MYO3B: variants seen among roughly 807,000 people sequenced by gnomAD.
The protein encoded by MYO3B is myosin IIIB.
In MYO3B, 156 loss-of-function variants were observed where a neutral mutation model predicts 174.6. The ratio of observed to expected loss-of-function variants is 0.89; its 90% CI spans 0.78 to 1.02. MYO3B has a LOEUF of 1.02. Ranked by LOEUF, MYO3B falls within the 50% of genes least tolerant of loss-of-function variation. MYO3B has a pLI of 0.00. For missense variants in MYO3B, 1,632 were observed against 1,639.4 expected, an observed-to-expected ratio of 1.00 and a Z score of 0.08; for synonymous variants, 563 against 569.1, an observed-to-expected ratio of 0.99 and a Z score of 0.15.
intron 16 of MYO3B, among the ~76,000 whole-genome samples, chr2:170,397,021 CTG>C (rs1430010357): frequency 6.6e-6 from 1 of 152,122 alleles, no homozygotes; most frequent in East Asian, 1.9e-4. Context: ...AAGCCTCACA[CTG>C]TATTGATCAA....
rs556696356 is a variant in MYO3B at position 170,328,976 on chromosome 2, C to T, written c.750-6409C>T. 8.5e-5 allele frequency among the ~76,000 whole-genome samples: 13 copies of T among 152,168 alleles called. No homozygotes were observed. The South Asian group carries it at 2.7e-3, about 32-fold the overall frequency. On this transcript the variant is annotated intron_variant, in intron 7 of 34. Coordinates refer to ENST00000408978, the MANE Select transcript of MYO3B (RefSeq NM_138995.5). Reference sequence around the variant, plus strand: ...AGGATTTCAAGACCAGCCTGGCCCACATGGTGAAACACTGTCTCTACAAAA... The same window carrying T: ...AGGATTTCAAGACCAGCCTGGCCCATATGGTGAAACACTGTCTCTACAAAA...
At chr2:170,635,966 A>G (rs943504390) in intron 32 of MYO3B, among the ~76,000 whole-genome samples, 2 of 152,266 alleles carry the variant, frequency 1.3e-5, no homozygotes, top group African/African-American at 4.8e-5. Context: ...AGTTGTGTCA[A>G]AAATCACAAC....
At chr2:170,575,372 CA>C (rs1692723496) in intron 32 of MYO3B, among the ~76,000 whole-genome samples, 1 of 152,064 alleles carries the variant, frequency 6.6e-6, no homozygotes, top group African/African-American at 2.4e-5. Flanking sequence ...ACCAGAGAGT[CA>C]ATAGTTCAGG....
At chr2:170,304,818 A>G (rs919447111) in intron 7 of MYO3B, among the ~76,000 whole-genome samples, 2 of 151,446 alleles carry the variant, frequency 1.3e-5, no homozygotes, top group African/African-American at 4.9e-5. Flanking sequence ...GTAATGTATT[A>G]TGGCTCTTAA....
chr2:170,654,584 G>T lies in MYO3B; in HGVS notation c.*1463G>T, dbSNP rs1699184844. On this transcript the variant is annotated 3_prime_UTR_variant, in exon 35 of 35. Coordinates refer to ENST00000408978, the MANE Select transcript of MYO3B (RefSeq NM_138995.5). ...AATCACTTGAACCCGGGAAGCAAAG[G>T]TTGCAGTCAGCTGAGAGCGCACCAC... 2 of 148,058 alleles carry T rather than the reference G, an allele frequency of 1.4e-5. No homozygotes were observed. Among genetic ancestry groups the T allele is most frequent in the Non-Finnish European group, 1.5e-5 (1 of 67,412 alleles). The allele number at this position is 148,058 out of a possible 1,614,324, so 9.2% of individuals were successfully genotyped here.
chr2:170,296,924 C>T (rs969517299), intron 7 of MYO3B, among the ~76,000 whole-genome samples: 1 of 152,114 alleles, frequency 6.6e-6, no homozygotes, highest in East Asian at 1.9e-4. Context: ...CTTACTCTTG[C>T]GATGACAGCA....
intron 32 of MYO3B, among the ~76,000 whole-genome samples, chr2:170,565,447 C>T (rs1206222806): frequency 6.6e-6 from 1 of 152,262 alleles, no homozygotes; most frequent in East Asian, 1.9e-4. Context: ...AACGTGGTAC[C>T]TAGCACACAG....
At chr2:170,376,473 G>A (rs4668250) in intron 9 of MYO3B, among the ~76,000 whole-genome samples, 145,571 of 152,246 alleles carry the variant, frequency 0.96, 69,930 homozygotes, top group East Asian at 1. Flanking sequence ...TTTCTTTCTT[G>A]TATGGAATCC....
intron 1 of MYO3B, among the ~76,000 whole-genome samples, chr2:170,182,178 T>C (rs933369610): frequency 2.6e-5 from 4 of 152,188 alleles, no homozygotes; most frequent in African/African-American, 9.6e-5. Context: ...ATTTTTTTCT[T>C]AGGGCTTGTG....
At chr2:170,487,032 C>G (rs1400617354) in intron 25 of MYO3B, among the ~76,000 whole-genome samples, 1 of 152,178 alleles carries the variant, frequency 6.6e-6, no homozygotes, top group Non-Finnish European at 1.5e-5. Context: ...AAGGTCCAGC[C>G]CCAGAGATTC....
intron 28 of MYO3B, among the ~76,000 whole-genome samples, chr2:170,512,228 G>GA (rs5836284): frequency 0.46 from 69,457 of 150,570 alleles, 16,658 homozygotes; most frequent in East Asian, 0.6. Context: ...TAGGGCTGTA[G>GA]AAAAAAAAAA....
intron 32 of MYO3B, among the ~76,000 whole-genome samples, chr2:170,617,853 C>G (rs1293731142): frequency 6.6e-6 from 1 of 152,180 alleles, no homozygotes; most frequent in Non-Finnish European, 1.5e-5. Context: ...TTAAATAACA[C>G]GGTTCCTTCT....
At position 170,559,713 on chromosome 2, in the gene MYO3B, G is replaced by A. The variant is rs75851660; in HGVS notation, c.3733+15725G>A. Among the ~76,000 whole-genome samples the A allele has an allele frequency of 8.4e-3, 1,275 of 152,162 alleles. 46 individuals carry two copies. The East Asian group carries it at 0.088, about 11-fold the overall frequency. ...CTCCCTACCAAGAACAATTCACAAT[G>A]ACTTCCTGACCTCCCACTTTCAAAT... is the stretch of plus-strand genomic sequence containing the variant. On this transcript the variant is annotated intron_variant, in intron 32 of 34. Transcript: ENST00000408978.
intron 8 of MYO3B, 97 bp downstream of exon 8, chr2:170,335,547 G>A (rs1296880978): frequency 4.5e-6 from 4 of 883,576 alleles, no homozygotes; most frequent in Non-Finnish European, 7.3e-6. Context: ...ACTAGAGGTT[G>A]TTATGCCTGT....
Position 170,327,189 on chromosome 2 carries a change from A to T in MYO3B, c.750-8196A>T, listed in dbSNP as rs2093874648. On this transcript the variant is annotated intron_variant, in intron 7 of 34. Coordinates refer to ENST00000408978, the MANE Select transcript of MYO3B (RefSeq NM_138995.5). ...ATCACAAGGTCAGGAGATCGAGACC[A>T]TCCTGGCCCACATGGTAAAACCCTG... 2.0e-5 allele frequency among the ~76,000 whole-genome samples: 3 copies of T among 152,216 alleles called. No individual in the cohort carries two copies. The South Asian group carries it at 6.2e-4, about 32-fold the overall frequency.
intron 7 of MYO3B, among the ~76,000 whole-genome samples, chr2:170,312,427 G>A (rs1201585407): frequency 6.6e-6 from 1 of 152,260 alleles, no homozygotes; most frequent in Admixed American, 6.5e-5. Flanking sequence ...AGTAGGGGAT[G>A]ACTGTGCCTA....
chr2:170,549,232 G>A (rs903001491), intron 32 of MYO3B, among the ~76,000 whole-genome samples: 9 of 152,154 alleles, frequency 5.9e-5, no homozygotes, highest in Non-Finnish European at 1.3e-4. Context: ...TCACCTAAGA[G>A]GTACCTCTGT....
intron 25 of MYO3B, among the ~76,000 whole-genome samples, chr2:170,467,113 G>A (rs753136594): frequency 4.6e-5 from 7 of 152,094 alleles, no homozygotes; most frequent in Non-Finnish European, 1.0e-4. Flanking sequence ...AACACCTGAA[G>A]TATCATAAGA....
intron 32 of MYO3B, among the ~76,000 whole-genome samples, chr2:170,621,515 G>GTTTTTTTTTTTTTTTT (rs145064554): frequency 6.9e-6 from 1 of 144,704 alleles, no homozygotes. Flanking sequence ...TTGTTTTTTT[G>GTTTTTTTTTTTTTTTT]TTTTTTTGTT....
Sources: allele counts gnomAD v4.1 joint callset (sites outside exome capture counted in the v4.1 genomes callset), GRCh38; gene constraint gnomAD v4.1.1; transcripts MANE v1.5; gene names NCBI Gene and HGNC (gene_info 2026-07-23, HGNC 2026-07-21).